AGXT2: variants seen among roughly 807,000 people sequenced by gnomAD.
AGXT2 encodes the protein alanine--glyoxylate aminotransferase 2, also known as alanine--glyoxylate aminotransferase 2, mitochondrial.
A neutral mutation model predicts 62.5 loss-of-function variants in AGXT2; 61 were observed. The observed-to-expected ratio is 0.98, with a 90% CI of 0.79 to 1.21. The LOEUF (loss-of-function observed/expected upper bound fraction) is 1.21. Among genes scored for constraint, AGXT2 ranks in the 50% most tolerant of loss-of-function variants. The pLI is 0.00. For synonymous variants in AGXT2, 243 were observed against 218.7 expected, an observed-to-expected ratio of 1.11 and a Z score of -0.98; for missense variants, 666 against 641.5, an observed-to-expected ratio of 1.04 and a Z score of -0.41.
At position 35,032,809 on chromosome 5, in the gene AGXT2, A is replaced by G; in HGVS notation, c.692T>C (p.Val231Ala). 3 of 1,604,654 alleles carry G rather than the reference A, an allele frequency of 1.9e-6. No homozygotes were observed. The highest frequency in any genetic ancestry group is 2.6e-6 in the Non-Finnish European group (3 of 1,175,182). ...TGCQPTMCPD[V>A]FRGPWGGSHC... ...GCTTCCTCCCCAAGGGCCACGAAAA[A>G]CATCTGGACACATTGTCTGCAAATG... The change falls in exon 7 of 14, where the codon GTT becomes GCT. Residue 231 changes from valine to alanine, a missense_variant. Transcript: ENST00000231420.
At chr5:35,001,416 G>C (rs1766222188) in intron 13 of AGXT2, among the ~76,000 whole-genome samples, 1 of 152,164 alleles carries the variant, frequency 6.6e-6, no homozygotes, top group South Asian at 2.1e-4. Context: ...GGGACCCCCT[G>C]TCTCCAGTCT....
intron 12 of AGXT2, 123 bp downstream of exon 12, chr5:35,009,877 T>A: frequency 7.5e-7 from 1 of 1,332,328 alleles, no homozygotes; most frequent in Non-Finnish European, 1.1e-6. Context: ...TAAAGGGCTT[T>A]GCTGAAATCT....
chr5:35,046,369 T>A (rs1259876225), intron 1 of AGXT2, among the ~76,000 whole-genome samples: 1 of 152,196 alleles, frequency 6.6e-6, no homozygotes, highest in Non-Finnish European at 1.5e-5. Context: ...AGTTAGGTGA[T>A]GTTCTGGCAA....
At position 35,039,395 on chromosome 5, in the gene AGXT2, A is replaced by G. The variant is rs1161922041; in HGVS notation, c.291T>C (p.Phe97=). 6 of 1,614,040 alleles carry G rather than the reference A, an allele frequency of 3.7e-6. No individual in the cohort carries two copies. Among genetic ancestry groups the G allele is most frequent in the East Asian group, 4.5e-5 (2 of 44,890 alleles). ...CCAGGTATCTGCTTCCTTCAGCATC[A>G]AAGAGCCACTCCATGTGCCCCTGGT... ...LLHQGHMEWL[F]DAEGSRYLDF... is the part of the protein sequence containing the mutation. The change falls in exon 3 of 14, where the codon TTT becomes TTC. Residue 97 remains phenylalanine (F), a synonymous_variant. Transcript: ENST00000231420.
chr5:35,013,954 C>A, intron 10 of AGXT2, 33 bp downstream of exon 10: 1 of 1,613,744 alleles, frequency 6.2e-7, no homozygotes, highest in Non-Finnish European at 8.5e-7. Context: ...GTACGAGGCC[C>A]AGAAGCAAAC....
At chr5:35,039,929 A>C (rs1767920591) in intron 2 of AGXT2, among the ~76,000 whole-genome samples, 1 of 152,210 alleles carries the variant, frequency 6.6e-6, no homozygotes, top group Non-Finnish European at 1.5e-5. Context: ...TTTATTTATA[A>C]AATATCTCTC....
intron 9 of AGXT2, among the ~76,000 whole-genome samples, chr5:35,016,148 C>T (rs185386613): frequency 3.3e-5 from 5 of 152,244 alleles, no homozygotes; most frequent in Admixed American, 2.6e-4. Context: ...TGTCTTCCTG[C>T]GTGTCTTTCT....
intron 1 of AGXT2, among the ~76,000 whole-genome samples, chr5:35,044,467 C>A (rs936060421): frequency 6.6e-6 from 1 of 152,204 alleles, no homozygotes; most frequent in Non-Finnish European, 1.5e-5. Flanking sequence ...CTGTCCCATG[C>A]GTGCTCTGGG....
chr5:35,010,301 C>T (rs1766582757), intron 11 of AGXT2, 152 bp from the exon 12 acceptor site: 1 of 1,056,056 alleles, frequency 9.5e-7, no homozygotes, highest in Admixed American at 1.8e-5. Flanking sequence ...ACAAAAAGAT[C>T]TGTTGTAAGG....
At chr5:35,021,804 A>G (rs1767102756) in intron 9 of AGXT2, among the ~76,000 whole-genome samples, 1 of 152,200 alleles carries the variant, frequency 6.6e-6, no homozygotes, top group Non-Finnish European at 1.5e-5. Context: ...AAACGGGAGA[A>G]AATTTTCGCA....
At chr5:35,012,198 C>T (rs572407369) in intron 11 of AGXT2, among the ~76,000 whole-genome samples, 1 of 151,648 alleles carries the variant, frequency 6.6e-6, no homozygotes, top group East Asian at 1.9e-4. Flanking sequence ...ATCCATGTAA[C>T]CAAAACCGAC....
chr5:35,010,043 C>T lies in AGXT2; in HGVS notation c.1295G>A (p.Arg432Gln), dbSNP rs761319044. 42 of 1,614,180 alleles carry T rather than the reference C, an allele frequency of 2.6e-5. No individual in the cohort carries two copies. The highest frequency in any genetic ancestry group is 6.6e-5 in the South Asian group (6 of 91,088). ...RDEFEIVGDV[R>Q]GKGLMIGIEM... ...TATGCCTATCATGAGACCTTTGCCT[C>T]GGACGTCTCCAACAATTTCAAATTC... Residue 432 changes from arginine (R) to glutamine (Q), a missense_variant, in exon 12 of 14, where the codon CGA becomes CAA. By Grantham distance (43) the Arg-to-Gln change is conservative. Coordinates refer to ENST00000231420, the MANE Select transcript of AGXT2 (RefSeq NM_031900.4).
intron 7 of AGXT2, among the ~76,000 whole-genome samples, chr5:35,028,001 TGGG>T (rs1204859036): frequency 1.3e-5 from 2 of 151,620 alleles, no homozygotes; most frequent in East Asian, 3.9e-4. Flanking sequence ...TGTGGCCTCT[TGGG>T]GGCTCCAGCT....
intron 10 of AGXT2, 80 bp downstream of exon 10, chr5:35,013,907 C>T: frequency 1.6e-5 from 25 of 1,591,696 alleles, no homozygotes; most frequent in Non-Finnish European, 2.2e-5. Flanking sequence ...CTCCAATCTA[C>T]ACAAGTTCCA....
intron 7 of AGXT2, among the ~76,000 whole-genome samples, chr5:35,031,081 C>T (rs925426246): frequency 2.6e-5 from 4 of 152,172 alleles, no homozygotes; most frequent in African/African-American, 9.7e-5. Flanking sequence ...TCATGCAGCT[C>T]CTCAGTCCTG....
intron 7 of AGXT2, among the ~76,000 whole-genome samples, chr5:35,030,519 A>T (rs371018765): frequency 1.4e-5 from 2 of 146,656 alleles, no homozygotes; most frequent in Non-Finnish European, 3.0e-5. Context: ...AAAAAAAAAA[A>T]TACATAAATA....
chr5:35,038,835 A>G (rs943423625), intron 3 of AGXT2, among the ~76,000 whole-genome samples: 7 of 152,066 alleles, frequency 4.6e-5, no homozygotes, highest in Non-Finnish European at 1.5e-5. Context: ...TGATCCATAC[A>G]TTTCCAGGTA....
rs780631889 is a variant in AGXT2 at position 35,040,578 on chromosome 5, G to C, written c.174C>G (p.Tyr58Ter). 1 of 1,613,224 alleles carries C rather than the reference G, an allele frequency of 6.2e-7. No homozygotes were observed. The highest frequency in any genetic ancestry group is 8.5e-7 in the Non-Finnish European group (1 of 1,179,272). ...MPPCDFMPER[Y>*]QSLGYNRVLE... ...TTCTTAAAGCCCTGAATCTCACCTG[G>C]TATCTTTCAGGCATGAAGTCACATG... Residue 58 changes from tyrosine to a stop codon, truncating the protein, a stop_gained, in exon 2 of 14, where the codon TAC becomes TAG. Coordinates refer to ENST00000231420, the MANE Select transcript of AGXT2 (RefSeq NM_031900.4). LOFTEE classifies it high-confidence loss of function.
At chr5:35,039,048 T>C (rs1436816271) in intron 3 of AGXT2, among the ~76,000 whole-genome samples, 1 of 152,172 alleles carries the variant, frequency 6.6e-6, no homozygotes, top group African/African-American at 2.4e-5. Flanking sequence ...TTTGGAAAGC[T>C]GTTGCTAATG....
Sources: allele counts gnomAD v4.1 joint callset (sites outside exome capture counted in the v4.1 genomes callset), GRCh38; gene constraint gnomAD v4.1.1; transcripts MANE v1.5; gene names NCBI Gene and HGNC (gene_info 2026-07-23, HGNC 2026-07-21).